Variants in ADORA2B observed in about 807,000 individuals in gnomAD.
ADORA2B encodes adenosine receptor A2b.
In ADORA2B, 18 loss-of-function variants were observed where a neutral mutation model predicts 20.8. That is an observed-to-expected ratio of 0.87 (90% CI 0.60 to 1.29). The LOEUF (loss-of-function observed/expected upper bound fraction) is 1.29. Among genes scored for constraint, ADORA2B ranks in the 50% most tolerant of loss-of-function variants. The probability of loss-of-function intolerance (pLI) is 0.00; values close to 1 mark genes in which losing one functional copy is unlikely to be tolerated. For missense variants in ADORA2B, 441 were observed against 422.7 expected (o/e 1.04, Z -0.38); for synonymous variants, 179 against 178.3 (o/e 1.00, Z -0.03).
chr17:15,862,201 C>A, the ADORA2B span, among the ~76,000 whole-genome samples: 3 of 121,470 alleles, frequency 2.5e-5, no homozygotes, highest in South Asian at 5.6e-4. Context: ...TTTTTCTTTT[C>A]TTTTCTTTTC....
At position 15,961,056 on chromosome 17, in the gene ADORA2B, A is replaced by G. The variant is rs557399061; in HGVS notation, c.336-13623A>G. 4.3e-4 allele frequency among the ~76,000 whole-genome samples: 65 copies of G among 150,892 alleles called. 1 individual carries two copies. In the South Asian group the frequency reaches 0.014, roughly 31 times the overall value. ...GTGGCGGGTGCCTGTAGTCCCAGCT[A>G]CTCAGGAGGCTGAGGCAGGAGAATG... On this transcript the variant is annotated intron_variant, in intron 1 of 1. Transcript: ENST00000304222.
the ADORA2B span, among the ~76,000 whole-genome samples, chr17:15,866,723 C>G: frequency 1.3e-5 from 2 of 150,754 alleles, no homozygotes; most frequent in Non-Finnish European, 2.9e-5. Context: ...CTGCCTCTGC[C>G]GCTGCCGCTG....
At position 15,975,725 on chromosome 17, in the gene ADORA2B, A is replaced by AGTT; in HGVS notation, c.*385_*387dup. On this transcript the variant is annotated 3_prime_UTR_variant, in exon 2 of 2. Coordinates refer to ENST00000304222, the MANE Select transcript of ADORA2B (RefSeq NM_000676.4). ...AACTTAGAGGCAATGGAAAAATAAA[A>AGTT]GTTGACTGTACTAAAAATGTATACT... 1 of 171,570 alleles carries AGTT rather than the reference A, an allele frequency of 5.8e-6. No homozygotes were observed. Among genetic ancestry groups the AGTT allele is most frequent in the Non-Finnish European group, 1.2e-5 (1 of 80,054 alleles). 10.6% of individuals were successfully genotyped at this position (171,570 alleles called of 1,614,324 possible). A position where few individuals can be genotyped will look rare whatever the true frequency, so the allele number is the denominator to read the frequency against.
chr17:15,954,991 G>T lies in ADORA2B; in HGVS notation c.335+9408G>T, dbSNP rs911066612. ...AATTTTGTGAGACTGGGTCTAAATG[G>T]TAACTCTTACTTTTTTTTTTCATTG... On this transcript the variant is annotated intron_variant, in intron 1 of 1. Transcript: ENST00000304222. 1.1e-4 allele frequency among the ~76,000 whole-genome samples: 17 copies of T among 152,106 alleles called. No individual in the cohort carries two copies. In the East Asian group the frequency reaches 2.9e-3, roughly 26 times the overall value.
chr17:15,906,436 T>C, the ADORA2B span, among the ~76,000 whole-genome samples: 1 of 152,352 alleles, frequency 6.6e-6, no homozygotes, highest in East Asian at 1.9e-4. Context: ...TGAACCACCC[T>C]TGCATTCCTG....
chr17:15,852,962 T>G, the ADORA2B span, among the ~76,000 whole-genome samples: 17 of 144,112 alleles, frequency 1.2e-4, no homozygotes, highest in African/African-American at 4.2e-4. Context: ...TTGGAAGAGA[T>G]AATGGCCAAG....
At chr17:15,911,865 A>T in the ADORA2B span, among the ~76,000 whole-genome samples, 187 of 152,252 alleles carry the variant, frequency 1.2e-3, no homozygotes, top group Non-Finnish European at 2.0e-3. Flanking sequence ...GGAGTTCAAG[A>T]TCAGCCTGGG....
chr17:15,867,620 C>CG, the ADORA2B span, among the ~76,000 whole-genome samples: 15 of 146,368 alleles, frequency 1.0e-4, no homozygotes, highest in East Asian at 2.0e-4. Context: ...GGAAGGGAGG[C>CG]GGGGGGGTCA....
In ADORA2B at chr17:15,945,204, G is replaced by C; in HGVS notation, c.-45G>C. ...GGTCTCACGCGGCTGCCCCTCGCCC[G>C]GCGCGCCTTCGGTAGGGGGCGCCCG... On this transcript the variant is annotated 5_prime_UTR_variant, in exon 1 of 2. Transcript: ENST00000304222. 1 of 1,371,992 alleles carries C rather than the reference G, an allele frequency of 7.3e-7. No individual in the cohort carries two copies. The highest frequency in any genetic ancestry group is 9.3e-7 in the Non-Finnish European group (1 of 1,069,542). The allele number at this position is 1,371,992 out of a possible 1,614,324, so 85.0% of individuals were successfully genotyped here.
chr17:15,971,546 C>G (rs1970188112), intron 1 of ADORA2B, among the ~76,000 whole-genome samples: 1 of 151,910 alleles, frequency 6.6e-6, no homozygotes, highest in African/African-American at 2.4e-5. Flanking sequence ...GCTGCAACCT[C>G]AAGTATTCCT....
At chr17:15,923,404 TATA>T in the ADORA2B span, among the ~76,000 whole-genome samples, 3,347 of 139,354 alleles carry the variant, frequency 0.024, 89 homozygotes, top group African/African-American at 0.069. Flanking sequence ...TATATATATA[TATA>T]TTTTTTTTTT....
the ADORA2B span, among the ~76,000 whole-genome samples, chr17:15,904,391 C>CTTTT: frequency 7.1e-5 from 9 of 126,422 alleles, no homozygotes; most frequent in Admixed American, 8.1e-5. Context: ...TGTACTTCTG[C>CTTTT]TTTTTTTTTT....
At chr17:15,915,212 C>A in the ADORA2B span, among the ~76,000 whole-genome samples, 2 of 152,186 alleles carry the variant, frequency 1.3e-5, no homozygotes, top group Non-Finnish European at 2.9e-5. Flanking sequence ...ATCTTCAAAG[C>A]CAGCAGCGTT....
the ADORA2B span, among the ~76,000 whole-genome samples, chr17:15,884,916 G>A: frequency 6.6e-6 from 1 of 152,144 alleles, no homozygotes; most frequent in South Asian, 2.1e-4. Context: ...AATGATTTAT[G>A]TTCTTTTGGG....
chr17:15,915,440 T>A, the ADORA2B span, among the ~76,000 whole-genome samples: 2 of 152,204 alleles, frequency 1.3e-5, no homozygotes, highest in African/African-American at 2.4e-5. Flanking sequence ...GGAGTGGACA[T>A]CTCTGGGGAC....
the ADORA2B span, among the ~76,000 whole-genome samples, chr17:15,864,348 G>C: frequency 6.6e-6 from 1 of 152,254 alleles, no homozygotes; most frequent in Non-Finnish European, 1.5e-5. Flanking sequence ...GGTGTATGCA[G>C]AGCTGCATCT....
the ADORA2B span, among the ~76,000 whole-genome samples, chr17:15,886,281 C>T: frequency 1.4e-5 from 1 of 70,326 alleles, no homozygotes; most frequent in Admixed American, 1.3e-4. Flanking sequence ...ATTCATCCTG[C>T]CTCCCGTACA....
the ADORA2B span, among the ~76,000 whole-genome samples, chr17:15,876,348 G>T: frequency 6.6e-6 from 1 of 151,526 alleles, no homozygotes; most frequent in Non-Finnish European, 1.5e-5. Context: ...AAGCTCATAG[G>T]AGGTTCAGGC....
chr17:15,852,510 A>G, the ADORA2B span, among the ~76,000 whole-genome samples: 619 of 152,328 alleles, frequency 4.1e-3, 7 homozygotes, highest in African/African-American at 0.014. Context: ...TACTAAGTAT[A>G]CAAATAGATA....
Sources: gnomAD v4.1 joint callset for allele counts (sites outside exome capture counted in the v4.1 genomes callset) on GRCh38, gnomAD v4.1.1 for gene constraint, MANE v1.5 for transcripts, NCBI Gene and HGNC (gene_info 2026-07-23, HGNC 2026-07-21) for gene names.